The following SEMA3E variants were observed in gnomAD, a reference collection of about 807,000 sequenced individuals.
The protein encoded by SEMA3E is semaphorin-3E.
A neutral mutation model predicts 93.6 loss-of-function variants in SEMA3E; 49 were observed. That is an observed-to-expected ratio of 0.52 (90% CI 0.42 to 0.66). The LOEUF is 0.66. SEMA3E is among the 30% of genes least tolerant of loss of function. SEMA3E has a pLI of 0.00. For missense variants in SEMA3E, 906 were observed against 964.8 expected, an observed-to-expected ratio of 0.94 and a Z score of 0.81; for synonymous variants, 363 against 330.7, an observed-to-expected ratio of 1.10 and a Z score of -1.06.
intron 1 of SEMA3E, among the ~76,000 whole-genome samples, chr7:83,495,811 A>G (rs558742674): frequency 6.6e-6 from 1 of 152,106 alleles, no homozygotes; most frequent in East Asian, 1.9e-4. Flanking sequence ...GAAAATAAGA[A>G]TTCAGGCTCT....
intron 1 of SEMA3E, among the ~76,000 whole-genome samples, chr7:83,544,110 A>G (rs1487831981): frequency 6.6e-6 from 1 of 152,118 alleles, no homozygotes; most frequent in Non-Finnish European, 1.5e-5. Flanking sequence ...TTCCTGAAAC[A>G]TGTTGGAAAT....
At chr7:83,484,904 G>T (rs1196525286) in intron 2 of SEMA3E, among the ~76,000 whole-genome samples, 1 of 152,190 alleles carries the variant, frequency 6.6e-6, no homozygotes, top group Non-Finnish European at 1.5e-5. Flanking sequence ...ATCAAGGGAA[G>T]AGTGTTGAGG....
intron 1 of SEMA3E, among the ~76,000 whole-genome samples, chr7:83,566,511 G>A (rs1017782737): frequency 6.6e-6 from 1 of 151,950 alleles, no homozygotes; most frequent in African/African-American, 2.4e-5. Flanking sequence ...GACCTAATAT[G>A]GTATTTGGCT....
chr7:83,529,263 A>G (rs984327832), intron 1 of SEMA3E, among the ~76,000 whole-genome samples: 3 of 152,110 alleles, frequency 2.0e-5, no homozygotes, highest in African/African-American at 7.2e-5. Context: ...CATGGCCTAA[A>G]ACTGTACTTC....
chr7:83,379,573 G>A (rs934162749), intron 16 of SEMA3E, among the ~76,000 whole-genome samples: 4 of 151,660 alleles, frequency 2.6e-5, no homozygotes, highest in Middle Eastern at 3.2e-3. Flanking sequence ...CCTTAAATAT[G>A]TGTTTTCCCC....
At chr7:83,588,373 C>G (rs923386701) in intron 1 of SEMA3E, among the ~76,000 whole-genome samples, 1 of 151,352 alleles carries the variant, frequency 6.6e-6, no homozygotes, top group Non-Finnish European at 1.5e-5. Flanking sequence ...GAGCAAGACT[C>G]TGTCTAAAAA....
chr7:83,610,053 C>T (rs1793218887), intron 1 of SEMA3E, among the ~76,000 whole-genome samples: 1 of 151,860 alleles, frequency 6.6e-6, no homozygotes, highest in Non-Finnish European at 1.5e-5. Flanking sequence ...AGATAAACTA[C>T]AAAGAAATTG....
intron 1 of SEMA3E, among the ~76,000 whole-genome samples, chr7:83,646,014 A>C (rs1794075297): frequency 6.6e-6 from 1 of 151,988 alleles, no homozygotes; most frequent in South Asian, 2.1e-4. Flanking sequence ...TTTCTCCCAT[A>C]CAGCTTAGAT....
intron 4 of SEMA3E, among the ~76,000 whole-genome samples, chr7:83,438,630 A>T (rs1789050011): frequency 7.1e-6 from 1 of 141,764 alleles, no homozygotes; most frequent in East Asian, 1.9e-4. Flanking sequence ...TTTACTATGC[A>T]CTGCATGATA....
intron 1 of SEMA3E, among the ~76,000 whole-genome samples, chr7:83,613,628 G>T (rs560086574): frequency 1.3e-5 from 2 of 152,102 alleles, no homozygotes; most frequent in South Asian, 4.2e-4. Context: ...CAGTATTTTT[G>T]ATGCACATTT....
intron 16 of SEMA3E, among the ~76,000 whole-genome samples, chr7:83,381,905 A>T (rs1787785559): frequency 6.6e-6 from 1 of 151,972 alleles, no homozygotes; most frequent in Admixed American, 6.6e-5. Flanking sequence ...TCCTGGCATC[A>T]GTGCTTAGAG....
chr7:83,637,866 G>A lies in SEMA3E; in HGVS notation c.115+10562C>T, dbSNP rs946502932. Among the ~76,000 whole-genome samples, 7 of 150,538 alleles carry A rather than the reference G, an allele frequency of 4.6e-5. 1 individual carries two copies. The highest frequency in any genetic ancestry group is 1.2e-4 in the African/African-American group (5 of 40,672). On this transcript the variant is annotated intron_variant, in intron 1 of 16. Transcript: ENST00000643230. Reference sequence around the variant, plus strand: ...TAGAAAGAGGAGATCCTTACAAGGCGGTAGGACAGTGGTTTCTGGGCTGGT... The same window carrying A: ...TAGAAAGAGGAGATCCTTACAAGGCAGTAGGACAGTGGTTTCTGGGCTGGT...
At chr7:83,507,690 C>G (rs1232469884) in intron 1 of SEMA3E, among the ~76,000 whole-genome samples, 1 of 151,876 alleles carries the variant, frequency 6.6e-6, no homozygotes, top group African/African-American at 2.4e-5. Flanking sequence ...GTAATCCCAG[C>G]ATTTTAGAAG....
At position 83,540,826 on chromosome 7, in the gene SEMA3E, A is replaced by C. The variant is rs185732520; in HGVS notation, c.116-50552T>G. 5.1e-4 allele frequency among the ~76,000 whole-genome samples: 77 copies of C among 152,352 alleles called. 1 individual carries two copies. The highest frequency in any genetic ancestry group is 1.5e-3 in the Admixed American group (23 of 15,298). On this transcript the variant is annotated intron_variant, in intron 1 of 16. Transcript: ENST00000643230. ...AATAATACTGAAATAAAAAGAATGCATTTAATGAGGTTATGAAATTAGTTT... is the reference window on the plus strand; with the variant it reads ...AATAATACTGAAATAAAAAGAATGCCTTTAATGAGGTTATGAAATTAGTTT...
chr7:83,511,520 C>G (rs574932572), intron 1 of SEMA3E, among the ~76,000 whole-genome samples: 4 of 152,176 alleles, frequency 2.6e-5, no homozygotes, highest in South Asian at 4.1e-4. Context: ...CTAGAGCAAT[C>G]AAATCTCCAT....
intron 1 of SEMA3E, among the ~76,000 whole-genome samples, chr7:83,630,433 A>G (rs1468330237): frequency 1.3e-5 from 2 of 152,194 alleles, no homozygotes; most frequent in African/African-American, 4.8e-5. Flanking sequence ...TTAATATTAT[A>G]TTCAGATGTA....
chr7:83,524,994 T>C (rs905007094), intron 1 of SEMA3E, among the ~76,000 whole-genome samples: 7 of 151,982 alleles, frequency 4.6e-5, no homozygotes, highest in African/African-American at 1.7e-4. Context: ...GGCTACTCTT[T>C]CTTGGCTAAT....
intron 1 of SEMA3E, among the ~76,000 whole-genome samples, chr7:83,512,928 G>A (rs1477528463): frequency 2.0e-5 from 3 of 152,176 alleles, no homozygotes; most frequent in Admixed American, 6.5e-5. Context: ...TTTACATAAA[G>A]GCTAAAGTAA....
intron 16 of SEMA3E, among the ~76,000 whole-genome samples, chr7:83,383,955 A>G (rs1787831772): frequency 6.6e-6 from 1 of 152,044 alleles, no homozygotes; most frequent in African/African-American, 2.4e-5. Context: ...AGTGGAAAAT[A>G]CTTTAATACT....
Sources: allele counts gnomAD v4.1 joint callset (sites outside exome capture counted in the v4.1 genomes callset), GRCh38; gene constraint gnomAD v4.1.1; transcripts MANE v1.5; gene names NCBI Gene and HGNC (gene_info 2026-07-23, HGNC 2026-07-21).